The following NBAS variants were observed in gnomAD, a reference collection of about 807,000 sequenced individuals.
NBAS encodes NBAS subunit of NRZ tethering complex.
NBAS carries 219 observed loss-of-function variants against 302.5 expected under a neutral mutation model. The ratio of observed to expected loss-of-function variants is 0.72; its 90% confidence interval spans 0.65 to 0.81. The LOEUF (loss-of-function observed/expected upper bound fraction) is 0.81. NBAS is among the 30% of genes least tolerant of loss of function. The pLI, the probability that NBAS is intolerant of heterozygous loss-of-function variation, is 0.00. For synonymous variants in NBAS, 1,118 were observed against 1,021.6 expected (o/e 1.09, Z -1.80); for missense variants, 2,932 against 2,841.6 (o/e 1.03, Z -0.72).
chr2:15,220,161 G>A (rs1457213860), intron 47 of NBAS, among the ~76,000 whole-genome samples: 1 of 146,842 alleles, frequency 6.8e-6, no homozygotes, highest in African/African-American at 2.5e-5. Flanking sequence ...CGGACGGGGC[G>A]GCTGGCCGGG....
chr2:15,266,683 T>C (rs1389981460), intron 44 of NBAS, among the ~76,000 whole-genome samples: 1 of 152,216 alleles, frequency 6.6e-6, no homozygotes, highest in East Asian at 1.9e-4. Context: ...TCAGTGTTTG[T>C]TGGTTTCCCC....
the NBAS span, among the ~76,000 whole-genome samples, chr2:15,081,918 A>G: frequency 6.6e-6 from 1 of 152,182 alleles, no homozygotes; most frequent in Non-Finnish European, 1.5e-5. Flanking sequence ...TAGAATCACA[A>G]CTTTTCCACT....
At chr2:15,087,242 ACACACACACACACACC>A in the NBAS span, among the ~76,000 whole-genome samples, 5 of 151,026 alleles carry the variant, frequency 3.3e-5, no homozygotes, top group Admixed American at 3.3e-4. Context: ...ACACACACAC[ACACACACACACACACC>A]CCATATTGGT....
the NBAS span, among the ~76,000 whole-genome samples, chr2:15,041,824 C>T: frequency 2.0e-5 from 3 of 152,196 alleles, no homozygotes; most frequent in South Asian, 2.1e-4. Context: ...AGGGCTCTGC[C>T]GGCTTTGGTG....
At chr2:15,330,514 A>G (rs1672278512) in intron 36 of NBAS, 84 bp downstream of exon 36, 1 of 1,543,016 alleles carries the variant, frequency 6.5e-7, no homozygotes, top group South Asian at 1.2e-5. Flanking sequence ...AGATAAAGAT[A>G]TAACAGTGAA....
At chr2:15,515,491 C>T (rs1410133314) in intron 9 of NBAS, among the ~76,000 whole-genome samples, 1 of 152,130 alleles carries the variant, frequency 6.6e-6, no homozygotes, top group African/African-American at 2.4e-5. Context: ...ACCACTTCAG[C>T]CTGAGTGATG....
At chr2:15,489,596 G>C (rs1441198545) in intron 11 of NBAS, among the ~76,000 whole-genome samples, 3 of 152,182 alleles carry the variant, frequency 2.0e-5, no homozygotes, top group Non-Finnish European at 4.4e-5. Flanking sequence ...CAATTTTCTA[G>C]ATTTGCTGCC....
At chr2:15,432,024 C>T (rs973956076) in intron 21 of NBAS, among the ~76,000 whole-genome samples, 13 of 151,432 alleles carry the variant, frequency 8.6e-5, no homozygotes, top group South Asian at 2.1e-4. Flanking sequence ...TTCATGGATT[C>T]GATTCACAAT....
intron 19 of NBAS, among the ~76,000 whole-genome samples, chr2:15,466,668 T>C (rs1679735935): frequency 6.6e-6 from 1 of 152,214 alleles, no homozygotes; most frequent in South Asian, 2.1e-4. Flanking sequence ...CCAGGCATAG[T>C]GGCTCACACC....
At chr2:15,332,637 GA>G (rs58426459) in intron 35 of NBAS, among the ~76,000 whole-genome samples, 12,792 of 151,222 alleles carry the variant, frequency 0.085, 669 homozygotes, top group African/African-American at 0.14. Context: ...ATTTAATTAT[GA>G]AAAAAACAAC....
chr2:15,285,052 T>C (rs1356725377), intron 42 of NBAS, among the ~76,000 whole-genome samples: 2 of 152,230 alleles, frequency 1.3e-5, no homozygotes. Context: ...AGAAAAAAGA[T>C]ATTTAATAAA....
intron 27 of NBAS, among the ~76,000 whole-genome samples, chr2:15,396,201 A>T (rs1284254602): frequency 6.6e-6 from 1 of 152,138 alleles, no homozygotes; most frequent in African/African-American, 2.4e-5. Flanking sequence ...CTAAATTTGA[A>T]CGTAGGTTTT....
chr2:15,133,324 G>C, the NBAS span, among the ~76,000 whole-genome samples: 1 of 152,114 alleles, frequency 6.6e-6, no homozygotes, highest in African/African-American at 2.4e-5. Context: ...ACATAGCGGG[G>C]GGGGGGCAGG....
chr2:15,558,674 T>C lies in NBAS; in HGVS notation c.118-40A>G, dbSNP rs377758908. 46 of 1,423,266 alleles carry C rather than the reference T, an allele frequency of 3.2e-5. No individual in the cohort carries two copies. The African/African-American group carries it at 5.2e-4, about 16-fold the overall frequency. 88.2% of individuals were successfully genotyped at this position (1,423,266 alleles called of 1,614,324 possible). On this transcript the variant is annotated intron_variant, in intron 1 of 51. Coordinates refer to ENST00000281513, the MANE Select transcript of NBAS (RefSeq NM_015909.4). The stretch of plus-strand genomic sequence containing the variant: ...AAAAAACACTTACATTTGAATCTTC[T>C]AGTAGTATTAGACCAGTATTACTTA...
the NBAS span, among the ~76,000 whole-genome samples, chr2:14,957,068 A>G: frequency 2.0e-5 from 3 of 152,150 alleles, no homozygotes; most frequent in Admixed American, 6.5e-5. Context: ...AGAAGACAGT[A>G]TGAGACACAA....
intron 42 of NBAS, among the ~76,000 whole-genome samples, chr2:15,283,736 C>T (rs1669922254): frequency 6.6e-6 from 1 of 152,122 alleles, no homozygotes; most frequent in African/African-American, 2.4e-5. Context: ...TCTTCACAAC[C>T]CTCTAAGGTG....
chr2:15,394,454 T>A lies in NBAS; in HGVS notation c.3135-105A>T, dbSNP rs953688647. 4 of 1,217,242 alleles carry A rather than the reference T, an allele frequency of 3.3e-6. No individual in the cohort carries two copies. The African/African-American group carries it at 6.0e-5, about 18-fold the overall frequency. 75.4% of individuals were successfully genotyped at this position (1,217,242 alleles called of 1,614,324 possible). On this transcript the variant is annotated intron_variant, in intron 27 of 51. Transcript: ENST00000281513. ...TTCAGTGTTTAGTATTAAAAAAAAA[T>A]TATCCCATAGTGTAATCCAATTTTA...
At chr2:15,404,132 CT>C (rs1334789260) in intron 25 of NBAS, among the ~76,000 whole-genome samples, 1 of 152,100 alleles carries the variant, frequency 6.6e-6, no homozygotes, top group Non-Finnish European at 1.5e-5. Flanking sequence ...AAAATTACTA[CT>C]AGTACTATTC....
At chr2:15,167,391 C>T in intron 51 of NBAS, 68 bp from the exon 52 acceptor site, 4 of 1,573,222 alleles carry the variant, frequency 2.5e-6, no homozygotes, top group East Asian at 4.5e-5. Context: ...TTGGATCCCT[C>T]GCTCTCCACT....
Sources: allele counts gnomAD v4.1 joint callset (sites outside exome capture counted in the v4.1 genomes callset), GRCh38; gene constraint gnomAD v4.1.1; transcripts MANE v1.5; gene names NCBI Gene and HGNC (gene_info 2026-07-23, HGNC 2026-07-21).